The following HUWE1 variants were observed in gnomAD, a reference collection of about 807,000 sequenced individuals.
The protein encoded by HUWE1 is E3 ubiquitin-protein ligase HUWE1.
Under a neutral mutation model 299.4 loss-of-function variants are expected in HUWE1, and 18 were observed. The ratio of observed to expected loss-of-function variants is 0.06; its 90% CI spans 0.04 to 0.09. The LOEUF (loss-of-function observed/expected upper bound fraction) is 0.09, where lower values mean the gene tolerates loss of function less well. Among genes scored for constraint, HUWE1 ranks in the 10% least tolerant of loss-of-function variants. The pLI is 1.00. For synonymous variants in HUWE1, 1,317 were observed against 1,286.1 expected (o/e 1.02, Z -0.51); for missense variants, 1,832 against 3,462.3 (o/e 0.53, Z 11.82).
At chrX:53,655,610 T>C (rs2068707190) in intron 3 of HUWE1, among the ~76,000 whole-genome samples, 1 of 112,192 alleles carries the variant, frequency 8.9e-6, no homozygotes, top group Non-Finnish European at 1.9e-5. Flanking sequence ...GCAACAATCC[T>C]GTCCATGTGG....
chrX:53,634,554 A>G (rs981937623), intron 7 of HUWE1, among the ~76,000 whole-genome samples: 31 of 112,372 alleles, frequency 2.8e-4, no homozygotes, highest in African/African-American at 1.0e-3. Flanking sequence ...CCTAAAGGTG[A>G]TTTCTTCAAT....
chrX:53,667,059 G>C (rs2069282920), intron 3 of HUWE1, among the ~76,000 whole-genome samples: 1 of 110,795 alleles, frequency 9.0e-6, no homozygotes, highest in Non-Finnish European at 1.9e-5. Context: ...CAGAAATGTA[G>C]AAAATAAGGA....
rs374683676 is a variant in HUWE1 at position 53,672,264 on chromosome X, C to CTT, written c.-25+7783_-25+7784dup. ...TATTGTGGTTTTGTAGATGTCCTTA[C>CTT]TTTTTTTTTTTTTTTTGAGACAGAG... On this transcript the variant is annotated intron_variant, in intron 3 of 83. Coordinates refer to ENST00000262854, the MANE Select transcript of HUWE1 (RefSeq NM_031407.7). Among the ~76,000 whole-genome samples, 304 of 96,744 alleles carry CTT rather than the reference C, an allele frequency of 3.1e-3. 2 individuals are homozygous for CTT. The highest frequency in any genetic ancestry group is 0.011 in the African/African-American group (289 of 26,707). 84.0% of individuals were successfully genotyped at this position (96,744 alleles called of 115,157 possible). A position where few individuals can be genotyped will look rare whatever the true frequency, so the allele number is the denominator to read the frequency against.
intron 8 of HUWE1, among the ~76,000 whole-genome samples, chrX:53,633,264 A>C (rs1418705189): frequency 8.9e-6 from 1 of 112,528 alleles, no homozygotes; most frequent in East Asian, 2.8e-4. Flanking sequence ...TTGCCTCTGG[A>C]AAATTAAGAA....
At chrX:53,538,306 C>G in intron 77 of HUWE1, 31 bp downstream of exon 77, 1 of 1,018,492 alleles carries the variant, frequency 9.8e-7, no homozygotes. Flanking sequence ...TTCTCACCAC[C>G]CCTCTACCCC....
At position 53,538,818 on chromosome X, in the gene HUWE1, C is replaced by T. The variant is rs1556915766; in HGVS notation, c.11878+17G>A. 3 of 1,198,324 alleles carry T rather than the reference C, an allele frequency of 2.5e-6. No individual in the cohort carries two copies. Among genetic ancestry groups the T allele is most frequent in the Non-Finnish European group, 2.2e-6 (2 of 889,056 alleles). ...AATGAAGCCTTCTACACCTGGCAGC[C>T]TAAAAGTTCCCTGTACCTGCAAAGC... is the stretch of plus-strand genomic sequence containing the variant. On this transcript the variant is annotated intron_variant, in intron 76 of 83. Coordinates refer to ENST00000262854, the MANE Select transcript of HUWE1 (RefSeq NM_031407.7).
intron 19 of HUWE1, among the ~76,000 whole-genome samples, chrX:53,623,860 A>G (rs1337380569): frequency 8.9e-6 from 1 of 112,179 alleles, no homozygotes; most frequent in Admixed American, 9.4e-5. Flanking sequence ...AGTCTCCCCA[A>G]CACCCCAAAC....
intron 60 of HUWE1, 35 bp from the exon 61 acceptor site, chrX:53,554,955 G>A (rs1780443664): frequency 9.2e-7 from 1 of 1,089,340 alleles, no homozygotes; most frequent in African/African-American, 1.9e-5. Flanking sequence ...TGGTTAAGGG[G>A]CAACCAGCCA....
In HUWE1 at chrX:53,671,317, T is replaced by C. The variant is rs1201853772; in HGVS notation, c.-25+8732A>G. On this transcript the variant is annotated intron_variant, in intron 3 of 83. Transcript: ENST00000262854. ...AAATATTAAATATGGATCTCATAAATATTTATCTATTAGGATGTACCTATG... is the reference window on the plus strand; with the variant it reads ...AAATATTAAATATGGATCTCATAAACATTTATCTATTAGGATGTACCTATG... Among the ~76,000 whole-genome samples, 9 of 111,847 alleles carry C rather than the reference T, an allele frequency of 8.0e-5. No homozygotes were observed. The Admixed American group carries it at 8.5e-4, about 11-fold the overall frequency.
chrX:53,671,647 G>C lies in HUWE1; in HGVS notation c.-25+8402C>G, dbSNP rs2069536565. Reference sequence around the variant, plus strand: ...CTACTAAAAATACAAAAAAAAATTAGCCGGGCGAGGTGGCAGGCACCTGTA... The same window carrying C: ...CTACTAAAAATACAAAAAAAAATTACCCGGGCGAGGTGGCAGGCACCTGTA... On this transcript the variant is annotated intron_variant, in intron 3 of 83. Transcript: ENST00000262854. Among the ~76,000 whole-genome samples, 3 of 110,246 alleles carry C rather than the reference G, an allele frequency of 2.7e-5. 1 individual carries two copies. The Admixed American group carries it at 2.9e-4, about 11-fold the overall frequency.
chrX:53,631,705 A>T (rs1291407145), intron 9 of HUWE1, 91 bp from the exon 10 acceptor site: 15 of 631,237 alleles, frequency 2.4e-5, no homozygotes, highest in African/African-American at 4.4e-5. Context: ...TCTGAAAACC[A>T]AGATGTCACC....
chrX:53,610,461 C>T (rs782213677), intron 23 of HUWE1, among the ~76,000 whole-genome samples: 2 of 112,211 alleles, frequency 1.8e-5, no homozygotes, highest in Admixed American at 1.9e-4. Context: ...TCCAACAGGA[C>T]TCAACTTACC....
At chrX:53,576,458 G>A (rs2063110496) in intron 44 of HUWE1, among the ~76,000 whole-genome samples, 1 of 111,843 alleles carries the variant, frequency 8.9e-6, no homozygotes, top group African/African-American at 3.3e-5. Flanking sequence ...CAGCTCTTCA[G>A]ACAATAAAAA....
rs186947005 is a variant in HUWE1, at chrX:53,627,361, G to A, written c.1489+49C>T. On this transcript the variant is annotated intron_variant, in intron 17 of 83. Coordinates refer to ENST00000262854, the MANE Select transcript of HUWE1 (RefSeq NM_031407.7). ...GGAAGAATGAAAACTGGGGTGGGATGACAAAAAATCTCAAGCACAAAAATA... is the reference window on the plus strand; with the variant it reads ...GGAAGAATGAAAACTGGGGTGGGATAACAAAAAATCTCAAGCACAAAAATA... 43 of 772,469 alleles carry A rather than the reference G, an allele frequency of 5.6e-5. No individual in the cohort carries two copies. The African/African-American group carries it at 6.4e-4, about 11-fold the overall frequency. The allele number at this position is 772,469 out of a possible 1,213,427, so 63.7% of individuals were successfully genotyped here. A position where few individuals can be genotyped will look rare whatever the true frequency, so the allele number is the denominator to read the frequency against.
chrX:53,538,225 TC>T (rs1430603342), intron 77 of HUWE1, 111 bp downstream of exon 77: 16 of 553,594 alleles, frequency 2.9e-5, no homozygotes, highest in Non-Finnish European at 4.5e-5. Context: ...CCACCACCAT[TC>T]CAAGTGCTGT....
intron 19 of HUWE1, among the ~76,000 whole-genome samples, chrX:53,624,301 C>A (rs998412089): frequency 3.6e-5 from 4 of 111,567 alleles, no homozygotes; most frequent in Non-Finnish European, 7.5e-5. Context: ...TGTTTTATAT[C>A]CTTGCAGGAT....
At chrX:53,677,077 AC>A (rs782030979) in intron 3 of HUWE1, among the ~76,000 whole-genome samples, 3 of 79,265 alleles carry the variant, frequency 3.8e-5, no homozygotes, top group South Asian at 8.8e-4. Context: ...GTGAATGAAC[AC>A]CCCCCCACCC....
At position 53,547,698 on chromosome X, in the gene HUWE1, G is replaced by C. The variant is rs370282010; in HGVS notation, c.10611C>G (p.Pro3537=). Residue 3537 remains proline (P), a synonymous_variant, in exon 68 of 84, where the codon CCC becomes CCG. Transcript: ENST00000262854. ...TTGAAACAGTAGTGGTAGCAGTCGT[G>C]GGGGTAGTCACTGTGGTCGAAGCAG... The part of the protein sequence containing the change: ...VVAASTTVTT[P]TTATTTVSIS... 4.8e-5 allele frequency: 58 copies of C among 1,207,986 alleles called. 1 individual carries two copies.
chrX:53,672,458 C>T (rs782401441), intron 3 of HUWE1, among the ~76,000 whole-genome samples: 2 of 109,633 alleles, frequency 1.8e-5, no homozygotes, highest in African/African-American at 6.6e-5. Context: ...AGGGTTTCAC[C>T]ATGTTGGCCA....
Sources: allele counts gnomAD v4.1 joint callset (sites outside exome capture counted in the v4.1 genomes callset), GRCh38; gene constraint gnomAD v4.1.1; transcripts MANE v1.5; gene names NCBI Gene and HGNC (gene_info 2026-07-23, HGNC 2026-07-21).